AGBL1: variants seen among roughly 807,000 people sequenced by gnomAD.
AGBL1 encodes cytosolic carboxypeptidase 4.
AGBL1 carries 130 observed loss-of-function variants against 118.9 expected under a neutral mutation model. That is an observed-to-expected ratio of 1.09 (90% CI 0.95 to 1.26). AGBL1 has a LOEUF of 1.26. Ranked by LOEUF, AGBL1 falls within the 50% of genes most tolerant of loss-of-function variation. AGBL1 has a pLI of 0.00. For missense variants in AGBL1, 1,584 were observed against 1,298.1 expected (o/e 1.22, Z -3.38); for synonymous variants, 555 against 478.9 (o/e 1.16, Z -2.08).
At chr15:86,186,219 G>C (rs2077630422) in intron 5 of AGBL1, among the ~76,000 whole-genome samples, 2 of 152,022 alleles carry the variant, frequency 1.3e-5, no homozygotes, top group African/African-American at 4.8e-5. Flanking sequence ...GCTGGGACTT[G>C]CAGGGGGCGG....
rs190348225 is a variant in AGBL1, at chr15:86,454,602, G to A, written c.2555+57056G>A. The stretch of plus-strand genomic sequence containing the variant: ...AAAATATTGGTAAATGCTACAACAC[G>A]GATGAACCTCACTGACATGATCAGC... On this transcript the variant is annotated intron_variant, in intron 18 of 22. Coordinates refer to ENST00000614907, the MANE Select transcript of AGBL1 (RefSeq NM_001386094.1). 3.9e-5 allele frequency among the ~76,000 whole-genome samples: 6 copies of A among 152,204 alleles called. No homozygotes were observed. The East Asian group carries it at 9.7e-4, about 24-fold the overall frequency.
intron 18 of AGBL1, among the ~76,000 whole-genome samples, chr15:86,456,829 C>T (rs1383078909): frequency 6.6e-6 from 1 of 152,050 alleles, no homozygotes; most frequent in Non-Finnish European, 1.5e-5. Flanking sequence ...TAAAATAGAG[C>T]ATATCTACAA....
intron 21 of AGBL1, among the ~76,000 whole-genome samples, chr15:86,629,965 A>G (rs537784237): frequency 8.6e-4 from 131 of 152,374 alleles, no homozygotes; most frequent in Middle Eastern, 6.8e-3. Flanking sequence ...ATATAAGAAT[A>G]GAGGATATGG....
intron 21 of AGBL1, among the ~76,000 whole-genome samples, chr15:86,622,580 G>A (rs984315128): frequency 1.2e-4 from 19 of 152,102 alleles, no homozygotes; most frequent in African/African-American, 4.1e-4. Context: ...AATGGCAGGA[G>A]AAATGATGAC....
intron 5 of AGBL1, among the ~76,000 whole-genome samples, chr15:86,159,849 C>G (rs879694404): frequency 1.3e-5 from 2 of 152,028 alleles, no homozygotes; most frequent in Non-Finnish European, 2.9e-5. Context: ...TTATTTTTCT[C>G]TTGGGTCACT....
At chr15:86,442,940 C>A (rs1223997874) in intron 18 of AGBL1, among the ~76,000 whole-genome samples, 1 of 152,218 alleles carries the variant, frequency 6.6e-6, no homozygotes, top group Non-Finnish European at 1.5e-5. Context: ...CCTGCTCCTG[C>A]CCGCAAGGCA....
chr15:86,661,059 C>T (rs2085529687), intron 21 of AGBL1, among the ~76,000 whole-genome samples: 1 of 152,132 alleles, frequency 6.6e-6, no homozygotes, highest in Admixed American at 6.6e-5. Flanking sequence ...GCTCTTTCAC[C>T]TTTAAAACAC....
intron 22 of AGBL1, among the ~76,000 whole-genome samples, chr15:86,796,085 A>G (rs1352124357): frequency 6.6e-6 from 1 of 152,080 alleles, no homozygotes; most frequent in Non-Finnish European, 1.5e-5. Flanking sequence ...CATTGGTACA[A>G]TTATCACCAA....
At chr15:86,533,284 G>A (rs200269498) in intron 19 of AGBL1, among the ~76,000 whole-genome samples, 56,219 of 96,206 alleles carry the variant, frequency 0.58, 19,252 homozygotes, top group African/African-American at 0.9. Context: ...AAACAACCCA[G>A]TCAAAAAGTG....
At chr15:86,311,220 A>C (rs1454231314) in intron 17 of AGBL1, among the ~76,000 whole-genome samples, 2 of 152,346 alleles carry the variant, frequency 1.3e-5, no homozygotes, top group East Asian at 3.9e-4. Flanking sequence ...TGACTTTTGA[A>C]AAGAAATTCA....
At chr15:86,969,661 G>A (rs564646143) in intron 23 of AGBL1, among the ~76,000 whole-genome samples, 2 of 152,132 alleles carry the variant, frequency 1.3e-5, no homozygotes, top group Admixed American at 1.3e-4. Flanking sequence ...GTATATGTGG[G>A]TGTGGATATA....
chr15:86,580,786 T>C (rs1395480769), intron 21 of AGBL1, among the ~76,000 whole-genome samples: 1 of 152,212 alleles, frequency 6.6e-6, no homozygotes, highest in Middle Eastern at 3.2e-3. Context: ...TATAGTGCTA[T>C]GGAACACTAG....
At chr15:86,384,352 G>T (rs1013985457) in intron 17 of AGBL1, among the ~76,000 whole-genome samples, 3 of 152,152 alleles carry the variant, frequency 2.0e-5, no homozygotes, top group African/African-American at 7.2e-5. Context: ...CTGCACCACA[G>T]TTGCAAACAT....
intron 21 of AGBL1, among the ~76,000 whole-genome samples, chr15:86,602,374 G>A (rs527912813): frequency 1.5e-4 from 23 of 152,270 alleles, no homozygotes; most frequent in Admixed American, 4.6e-4. Flanking sequence ...GGTAGCTGTT[G>A]ATGCTGTGAT....
At chr15:86,535,845 T>C (rs2083418861) in intron 19 of AGBL1, among the ~76,000 whole-genome samples, 1 of 152,252 alleles carries the variant, frequency 6.6e-6, no homozygotes, top group South Asian at 2.1e-4. Context: ...CAAGATATTT[T>C]ATACACATGA....
intron 22 of AGBL1, among the ~76,000 whole-genome samples, chr15:86,886,926 G>A (rs1215020984): frequency 2.6e-5 from 4 of 152,286 alleles, no homozygotes; most frequent in East Asian, 1.9e-4. Context: ...CTCTCGCCAA[G>A]TGTGTAATAC....
chr15:86,196,764 A>G (rs1456267515), intron 5 of AGBL1, among the ~76,000 whole-genome samples: 1 of 152,126 alleles, frequency 6.6e-6, no homozygotes, highest in Non-Finnish European at 1.5e-5. Flanking sequence ...GTGAGGTCAT[A>G]AGGATGAAAC....
At chr15:86,551,515 G>A (rs2083662887) in intron 20 of AGBL1, among the ~76,000 whole-genome samples, 1 of 152,112 alleles carries the variant, frequency 6.6e-6, no homozygotes, top group African/African-American at 2.4e-5. Context: ...AGGACACATG[G>A]ACAATCTGAT....
At position 86,422,667 on chromosome 15, in the gene AGBL1, G is replaced by T. The variant is rs189986794; in HGVS notation, c.2555+25121G>T. On this transcript the variant is annotated intron_variant, in intron 18 of 22. Transcript: ENST00000614907. ...ATGAATCCAGGAGCTGATTTTTTTT[G>T]AAAAGATTAACAAAATAGATAGACC... Among the ~76,000 whole-genome samples, 1,026 of 151,792 alleles carry T rather than the reference G, an allele frequency of 6.8e-3. 16 individuals carry two copies. The highest frequency in any genetic ancestry group is 0.022 in the African/African-American group (903 of 41,428).
Sources: gnomAD v4.1 joint callset for allele counts (sites outside exome capture counted in the v4.1 genomes callset) on GRCh38, gnomAD v4.1.1 for gene constraint, MANE v1.5 for transcripts, NCBI Gene and HGNC (gene_info 2026-07-23, HGNC 2026-07-21) for gene names.